Variants in C2CD3 observed in about 807,000 individuals in gnomAD.
C2CD3 encodes the protein C2 domain containing 3 centriole elongation regulator, also known as C2 domain-containing protein 3.
A neutral mutation model predicts 234.0 loss-of-function variants in C2CD3; 148 were observed. The ratio of observed to expected loss-of-function variants is 0.63; its 90% CI spans 0.55 to 0.72. The LOEUF is 0.72. C2CD3 is among the 30% of genes least tolerant of loss of function. The pLI, the probability that C2CD3 is intolerant of heterozygous loss-of-function variation, is 0.00. For synonymous variants in C2CD3, 1,000 were observed against 1,035.4 expected (o/e 0.97, Z 0.66); for missense variants, 2,577 against 2,811.5 (o/e 0.92, Z 1.89).
intron 1 of C2CD3, 115 bp downstream of exon 1, chr11:74,170,623 A>G: frequency 3.9e-5 from 39 of 1,005,012 alleles, no homozygotes; most frequent in Non-Finnish European, 5.4e-5. Flanking sequence ...TTCCCTGGCT[A>G]CTTCCTTCTT....
At chr11:74,052,186 A>T (rs1166632386) in intron 26 of C2CD3, among the ~76,000 whole-genome samples, 1 of 152,222 alleles carries the variant, frequency 6.6e-6, no homozygotes, top group African/African-American at 2.4e-5. Context: ...ACCAGATCTT[A>T]GCAAGACCCT....
At chr11:74,094,096 C>A (rs754029498) in intron 17 of C2CD3, 97 bp from the exon 18 acceptor site, 68 of 990,138 alleles carry the variant, frequency 6.9e-5, no homozygotes, top group Middle Eastern at 2.5e-4. Flanking sequence ...TAGTAATTCC[C>A]TAGTAGTTAT....
intron 4 of C2CD3, among the ~76,000 whole-genome samples, 196 bp from the exon 5 acceptor site, chr11:74,139,163 C>T (rs1250240041): frequency 1.3e-5 from 2 of 152,172 alleles, no homozygotes; most frequent in East Asian, 3.8e-4. Context: ...GCTTTACCTA[C>T]AGTGAGGGAG....
chr11:74,102,119 A>T (rs12574556), intron 14 of C2CD3, among the ~76,000 whole-genome samples: 1 of 151,982 alleles, frequency 6.6e-6, no homozygotes, highest in African/African-American at 2.4e-5. Context: ...TAATTAAGTT[A>T]GTAGTATCTA....
At chr11:74,050,291 A>G (rs771236734) in intron 26 of C2CD3, among the ~76,000 whole-genome samples, 6 of 152,222 alleles carry the variant, frequency 3.9e-5, no homozygotes, top group Non-Finnish European at 5.9e-5. Context: ...ATGCAAATTA[A>G]AAAGGAAAAA....
chr11:74,083,011 C>A (rs970329888), intron 22 of C2CD3, among the ~76,000 whole-genome samples: 6 of 152,124 alleles, frequency 3.9e-5, no homozygotes, highest in African/African-American at 1.4e-4. Flanking sequence ...AAGAACAAAG[C>A]TGGAGGCATC....
chr11:74,018,984 G>A (rs187670459), intron 32 of C2CD3, among the ~76,000 whole-genome samples: 6 of 152,246 alleles, frequency 3.9e-5, no homozygotes, highest in Admixed American at 2.0e-4. Context: ...CAGGGCCTAC[G>A]TCACTCCCTC....
chr11:74,118,277 C>T lies in C2CD3; in HGVS notation c.1471G>A (p.Glu491Lys). The change falls in exon 9 of 33, where the codon GAG becomes AAG. Residue 491 changes from glutamate (E) to lysine (K), a missense_variant. Transcript: ENST00000334126. ...TTCTTCAGCTTATGATCACTTGACT[C>T]CAGAACCTTAGATGATCTGGCAAGA... ...TALARSSKVL[E>K]SSDHKLKKRS... 1 of 1,613,810 alleles carries T rather than the reference C, an allele frequency of 6.2e-7. No homozygotes were observed. The highest frequency in any genetic ancestry group is 8.5e-7 in the Non-Finnish European group (1 of 1,179,808).
At chr11:74,136,799 G>C (rs886544240) in intron 5 of C2CD3, among the ~76,000 whole-genome samples, 1 of 152,048 alleles carries the variant, frequency 6.6e-6, no homozygotes, top group South Asian at 2.1e-4. Flanking sequence ...GGGACCTGTC[G>C]GGGGTAGGGG....
intron 8 of C2CD3, among the ~76,000 whole-genome samples, chr11:74,119,785 G>A (rs1020907475): frequency 2.0e-5 from 3 of 151,904 alleles, no homozygotes; most frequent in African/African-American, 7.3e-5. Context: ...AAAGGAATGT[G>A]CCACCATATC....
chr11:74,099,636 C>T (rs752317311), intron 15 of C2CD3, among the ~76,000 whole-genome samples: 2 of 152,132 alleles, frequency 1.3e-5, no homozygotes, highest in African/African-American at 4.8e-5. Flanking sequence ...GTGGCTCATG[C>T]CTGTAACACC....
At chr11:74,032,851 T>A (rs1175619948) in intron 31 of C2CD3, among the ~76,000 whole-genome samples, 4 of 149,590 alleles carry the variant, frequency 2.7e-5, no homozygotes, top group Non-Finnish European at 5.9e-5. Context: ...GGTGACAGAA[T>A]AACCTGTCTC....
intron 8 of C2CD3, among the ~76,000 whole-genome samples, chr11:74,121,664 T>C (rs188333809): frequency 2.1e-3 from 312 of 151,702 alleles, no homozygotes; most frequent in African/African-American, 6.9e-3. Context: ...AAACAGTATT[T>C]AGTGTTCTAT....
At position 74,046,954 on chromosome 11, in the gene C2CD3, T is replaced by C. The variant is rs975446094; in HGVS notation, c.5495+1251A>G. 2.0e-5 allele frequency among the ~76,000 whole-genome samples: 3 copies of C among 152,338 alleles called. No individual in the cohort carries two copies. In the East Asian group the frequency reaches 5.8e-4, roughly 29 times the overall value. On this transcript the variant is annotated intron_variant, in intron 28 of 32. Coordinates refer to ENST00000334126, the MANE Select transcript of C2CD3 (RefSeq NM_001286577.2). ...TGAGCTAATGTATATAAAGTCCATA[T>C]AAAAGTGAGTTATTTCTATTCTCAT...
chr11:74,061,056 C>T (rs925962415), intron 24 of C2CD3, among the ~76,000 whole-genome samples: 4 of 151,836 alleles, frequency 2.6e-5, no homozygotes, highest in Non-Finnish European at 5.9e-5. Context: ...TGAAATGAAG[C>T]GAGTAGAGAA....
Position 74,113,904 on chromosome 11 carries a change from A to G in C2CD3, c.1731-12T>C. ...CTACAAAGAAAGTGCTAAAAAGAAA[A>G]AAAAAGTGATTAAAAACTAACCAAA... On this transcript the variant is annotated splice_polypyrimidine_tract_variant and intron_variant, in intron 10 of 32. Coordinates refer to ENST00000334126, the MANE Select transcript of C2CD3 (RefSeq NM_001286577.2). 1 of 1,467,980 alleles carries G rather than the reference A, an allele frequency of 6.8e-7. No individual in the cohort carries two copies. 90.9% of individuals were successfully genotyped at this position (1,467,980 alleles called of 1,614,324 possible). A position where few individuals can be genotyped will look rare whatever the true frequency, so the allele number is the denominator to read the frequency against.
intron 24 of C2CD3, 84 bp downstream of exon 24, chr11:74,074,169 C>T (rs1385928206): frequency 1.5e-5 from 14 of 914,396 alleles, no homozygotes; most frequent in Non-Finnish European, 2.3e-5. Context: ...ATTAACAGAT[C>T]CTGCCATGAT....
intron 26 of C2CD3, 119 bp downstream of exon 26, chr11:74,054,488 G>C (rs1490450550): frequency 1.6e-6 from 1 of 607,406 alleles, no homozygotes. Context: ...GCACTGTCGG[G>C]AATGCTTCAC....
intron 23 of C2CD3, among the ~76,000 whole-genome samples, chr11:74,076,662 T>C (rs1955055352): frequency 6.6e-6 from 1 of 152,222 alleles, no homozygotes; most frequent in Non-Finnish European, 1.5e-5. Context: ...CCAATCTATG[T>C]ATCCTAACAT....
Sources: allele counts gnomAD v4.1 joint callset (sites outside exome capture counted in the v4.1 genomes callset), GRCh38; gene constraint gnomAD v4.1.1; transcripts MANE v1.5; gene names NCBI Gene and HGNC (gene_info 2026-07-23, HGNC 2026-07-21).